The following CPXM2 variants were observed in gnomAD, a reference collection of about 807,000 sequenced individuals.
CPXM2 encodes the protein carboxypeptidase X, M14 family member 2.
CPXM2 carries 66 observed loss-of-function variants against 86.1 expected under a neutral mutation model. The ratio of observed to expected loss-of-function variants is 0.77; its 90% confidence interval spans 0.63 to 0.94. The LOEUF (loss-of-function observed/expected upper bound fraction) is 0.94. Among genes scored for constraint, CPXM2 ranks in the 40% least tolerant of loss-of-function variants. CPXM2 has a pLI of 0.00. For missense variants in CPXM2, 948 were observed against 1,026.3 expected (o/e 0.92, Z 1.04); for synonymous variants, 388 against 400.2 (o/e 0.97, Z 0.36).
chr10:123,932,507 A>T (rs960712094), intron 2 of CPXM2, among the ~76,000 whole-genome samples: 1 of 152,252 alleles, frequency 6.6e-6, no homozygotes, highest in Non-Finnish European at 1.5e-5. Context: ...TCAGGCAGTC[A>T]ACTGCCTTTT....
chr10:123,928,027 A>G (rs1351920012), intron 2 of CPXM2, among the ~76,000 whole-genome samples: 3 of 152,168 alleles, frequency 2.0e-5, no homozygotes, highest in Non-Finnish European at 4.4e-5. Context: ...CAATGCCCAC[A>G]TTAACACACA....
intron 2 of CPXM2, among the ~76,000 whole-genome samples, chr10:123,919,167 G>A (rs568893195): frequency 2.0e-5 from 3 of 152,270 alleles, no homozygotes; most frequent in Non-Finnish European, 4.4e-5. Context: ...CTGGACCCTG[G>A]GTGGTCCCCA....
At chr10:123,838,371 T>G (rs61863840) in intron 4 of CPXM2, among the ~76,000 whole-genome samples, 3,508 of 152,252 alleles carry the variant, frequency 0.023, 73 homozygotes, top group South Asian at 0.089. Context: ...TGAGTATCAC[T>G]TGAACCTGGG....
rs1017148733 is a variant in CPXM2 at position 123,768,474 on chromosome 10, C to G, written c.1299+52G>C. On this transcript the variant is annotated intron_variant, in intron 9 of 13. Transcript: ENST00000241305. ...CCCTAGGGCCAGACATACTCTGGAG[C>G]TGGGGCCTCGCTGCCCATGTCCTAT... 5 of 1,481,846 alleles carry G rather than the reference C, an allele frequency of 3.4e-6. No individual in the cohort carries two copies. In the African/African-American group the frequency reaches 6.9e-5, roughly 21 times the overall value. The allele number at this position is 1,481,846 out of a possible 1,614,324, so 91.8% of individuals were successfully genotyped here.
intron 4 of CPXM2, among the ~76,000 whole-genome samples, chr10:123,836,177 C>T (rs111900123): frequency 0.028 from 4,269 of 152,146 alleles, 75 homozygotes; most frequent in African/African-American, 0.052. Context: ...CTCAAGATTC[C>T]CAGAAATCTG....
At chr10:123,816,544 G>A (rs7098437) in intron 4 of CPXM2, among the ~76,000 whole-genome samples, 4,355 of 152,312 alleles carry the variant, frequency 0.029, 202 homozygotes, top group African/African-American at 0.099. Context: ...GGATCTTGGG[G>A]AATGACAGTG....
rs193147644 is a variant in CPXM2, at chr10:123,815,961, A to T, written c.654-16762T>A. On this transcript the variant is annotated intron_variant, in intron 4 of 13. Coordinates refer to ENST00000241305, the MANE Select transcript of CPXM2 (RefSeq NM_198148.3). ...GTGGGGACTCTGTGTTTAATGCTGC[A>T]GCTCAGGGAGTTAAAAAAGTTCTAA... is the stretch of plus-strand genomic sequence containing the variant. Among the ~76,000 whole-genome samples, 312 of 152,274 alleles carry T rather than the reference A, an allele frequency of 2.0e-3. 7 individuals carry two copies. Among genetic ancestry groups the T allele is most frequent in the Non-Finnish European group, 1.8e-4 (12 of 68,026 alleles).
chr10:123,798,625 G>A (rs1366097903), intron 5 of CPXM2, among the ~76,000 whole-genome samples: 1 of 152,120 alleles, frequency 6.6e-6, no homozygotes, highest in Non-Finnish European at 1.5e-5. Context: ...GAGAAAGAAG[G>A]TTGAAAAAGG....
At chr10:123,772,172 G>A (rs554635802) in intron 7 of CPXM2, among the ~76,000 whole-genome samples, 40 of 151,870 alleles carry the variant, frequency 2.6e-4, no homozygotes, top group African/African-American at 8.5e-4. Context: ...CACCTCCTTC[G>A]TTGTGGTTAC....
chr10:123,769,773 TC>T (rs1846583348), intron 8 of CPXM2, among the ~76,000 whole-genome samples: 1 of 152,150 alleles, frequency 6.6e-6, no homozygotes, highest in African/African-American at 2.4e-5. Context: ...ACCTTGGACT[TC>T]CCAGCTTCCC....
At chr10:123,934,607 A>G (rs1945697739) in intron 2 of CPXM2, among the ~76,000 whole-genome samples, 2 of 152,072 alleles carry the variant, frequency 1.3e-5, no homozygotes, top group Admixed American at 1.3e-4. Flanking sequence ...GTGGACATGA[A>G]TTTGGTGGGG....
At chr10:123,789,440 T>G (rs1028408476) in intron 6 of CPXM2, among the ~76,000 whole-genome samples, 1 of 152,234 alleles carries the variant, frequency 6.6e-6, no homozygotes, top group African/African-American at 2.4e-5. Flanking sequence ...CAGGGCCAAT[T>G]TGCAGCTTGA....
At chr10:123,747,048 A>G (rs188958033) in intron 13 of CPXM2, 31 bp from the exon 14 acceptor site, 1 of 1,610,422 alleles carries the variant, frequency 6.2e-7, no homozygotes, top group Non-Finnish European at 8.5e-7. Context: ...GGAGACTCAG[A>G]GCAGCTCTTG....
At chr10:123,752,148 A>G (rs2133969493) in intron 13 of CPXM2, 1 of 985,418 alleles carries the variant, frequency 1.0e-6, no homozygotes, top group East Asian at 1.1e-4. Flanking sequence ...GAACCACATC[A>G]CACAGCCTTT....
chr10:123,822,436 G>A (rs976043158), intron 4 of CPXM2, among the ~76,000 whole-genome samples: 1 of 152,118 alleles, frequency 6.6e-6, no homozygotes, highest in Non-Finnish European at 1.5e-5. Flanking sequence ...CAGTCTAGTG[G>A]AGAACATAGA....
intron 4 of CPXM2, among the ~76,000 whole-genome samples, chr10:123,827,749 A>G (rs532930351): frequency 1.1e-4 from 16 of 152,238 alleles, no homozygotes; most frequent in South Asian, 4.1e-4. Context: ...AAGGAGCAAG[A>G]ATAGCTAAAA....
Position 123,891,730 on chromosome 10 carries a change from G to T in CPXM2, c.-71C>A. On this transcript the variant is annotated 5_prime_UTR_variant, in exon 1 of 14. Coordinates refer to ENST00000241305, the MANE Select transcript of CPXM2 (RefSeq NM_198148.3). This position sits in a 1 kb window ranked among gnomAD's most constrained non-coding sequence, Gnocchi z 5.6. ...CGCCGGGCGGGCTGCGGGCGCAGAA[G>T]CTGGCGCGGGGCAAGGGCGCAGGGC... 8.3e-7 allele frequency: 1 copy of T among 1,205,496 alleles called. No individual in the cohort carries two copies. The highest frequency in any genetic ancestry group is 1.1e-6 in the Non-Finnish European group (1 of 941,916). 74.7% of individuals were successfully genotyped at this position (1,205,496 alleles called of 1,614,324 possible).
At chr10:123,872,158 A>G (rs1410198697) in intron 2 of CPXM2, among the ~76,000 whole-genome samples, 1 of 152,228 alleles carries the variant, frequency 6.6e-6, no homozygotes, top group Non-Finnish European at 1.5e-5. Flanking sequence ...TTAGTGATAC[A>G]CTGTGATCCA....
At chr10:123,802,516 G>A (rs1484138174) in intron 4 of CPXM2, among the ~76,000 whole-genome samples, 1 of 152,190 alleles carries the variant, frequency 6.6e-6, no homozygotes, top group Non-Finnish European at 1.5e-5. Flanking sequence ...ACTCTACTCT[G>A]AGAACAGACA....
Sources: gnomAD v4.1 joint callset for allele counts (sites outside exome capture counted in the v4.1 genomes callset) on GRCh38, gnomAD v4.1.1 for gene constraint, Gnocchi (gnomAD v3.1) non-coding constraint, MANE v1.5 for transcripts, NCBI Gene and HGNC (gene_info 2026-07-23, HGNC 2026-07-21) for gene names.